TNFRSF21: variants seen among roughly 807,000 people sequenced by gnomAD.
TNFRSF21 encodes TNF receptor superfamily member 21, also known as tumor necrosis factor receptor superfamily member 21.
In TNFRSF21, 19 loss-of-function variants were observed where a neutral mutation model predicts 45.6. That is an observed-to-expected ratio of 0.42 (90% confidence interval 0.29 to 0.61). The LOEUF is 0.61. TNFRSF21 is among the 20% of genes least tolerant of loss of function. TNFRSF21 has a pLI of 0.23. For missense variants in TNFRSF21, 737 were observed against 851.5 expected, an observed-to-expected ratio of 0.87 and a Z score of 1.67; for synonymous variants, 314 against 335.5, an observed-to-expected ratio of 0.94 and a Z score of 0.70.
intron 3 of TNFRSF21, among the ~76,000 whole-genome samples, chr6:47,276,660 A>G (rs1330949112): frequency 6.6e-6 from 1 of 152,172 alleles, no homozygotes; most frequent in Non-Finnish European, 1.5e-5. Flanking sequence ...ACACTACTAC[A>G]CTTTCAAACA....
chr6:47,263,633 G>A (rs1030811918), intron 3 of TNFRSF21, among the ~76,000 whole-genome samples: 2 of 152,126 alleles, frequency 1.3e-5, no homozygotes, highest in African/African-American at 2.4e-5. Context: ...CAACAGTGTC[G>A]ATTGCTGCCA....
rs1987768 is a variant in TNFRSF21 at position 47,294,673 on chromosome 6, A to G, written c.97-8078T>C. Among the ~76,000 whole-genome samples, 5 of 148,592 alleles carry G rather than the reference A, an allele frequency of 3.4e-5. No individual in the cohort carries two copies. The South Asian group carries it at 1.1e-3, about 31-fold the overall frequency. On this transcript the variant is annotated intron_variant, in intron 1 of 5. Coordinates refer to ENST00000296861, the MANE Select transcript of TNFRSF21 (RefSeq NM_014452.5). ...TGACAAGCAAATGTATCAAAGAGTTAAAAAATTCCCTCCTCATTTCTTTCT... is the reference window on the plus strand; with the variant it reads ...TGACAAGCAAATGTATCAAAGAGTTGAAAAATTCCCTCCTCATTTCTTTCT...
rs1489676456 is a variant in TNFRSF21 at position 47,309,424 on chromosome 6, G to A, written c.88C>T (p.Leu30Phe). 1 of 1,547,628 alleles carries A rather than the reference G, an allele frequency of 6.5e-7. No homozygotes were observed. The highest frequency in any genetic ancestry group is 1.2e-5 in the South Asian group (1 of 84,616). Residue 30 changes from leucine to phenylalanine, a missense_variant, in exon 1 of 6, where the codon CTT becomes TTT. Physicochemically the swap from Leu to Phe is conservative, Grantham distance 22. Transcript: ENST00000296861. ...RATATMIAGS[L>F]LLLGFLSTTT... is the part of the protein sequence containing the mutation. The stretch of plus-strand genomic sequence containing the variant: ...TCCACGCAAGCGCTCACCAGGAGAA[G>A]GGAGCCCGCGATCATCGTGGCTGTG...
chr6:47,287,941 A>G (rs1412809639), intron 1 of TNFRSF21, among the ~76,000 whole-genome samples: 1 of 152,242 alleles, frequency 6.6e-6, no homozygotes, highest in East Asian at 1.9e-4. Flanking sequence ...ATTCTCATAC[A>G]TTTCTGATAA....
At chr6:47,245,194 C>T (rs1048253940) in intron 4 of TNFRSF21, among the ~76,000 whole-genome samples, 1 of 152,150 alleles carries the variant, frequency 6.6e-6, no homozygotes, top group African/African-American at 2.4e-5. Context: ...AGCCCACTTC[C>T]ATCCCTCTGT....
intron 1 of TNFRSF21, among the ~76,000 whole-genome samples, chr6:47,307,131 C>A (rs1342920718): frequency 1.3e-5 from 2 of 152,158 alleles, no homozygotes; most frequent in African/African-American, 2.4e-5. Context: ...TCTACTGATT[C>A]CTGGCACACC....
chr6:47,258,293 C>G (rs1199594505), intron 3 of TNFRSF21, among the ~76,000 whole-genome samples: 1 of 151,762 alleles, frequency 6.6e-6, no homozygotes, highest in African/African-American at 2.4e-5. Flanking sequence ...TCACTTGAAC[C>G]TGAGAGACAG....
At chr6:47,250,658 G>A (rs559581895) in intron 4 of TNFRSF21, among the ~76,000 whole-genome samples, 80 of 152,314 alleles carry the variant, frequency 5.3e-4, no homozygotes, top group African/African-American at 1.6e-3. Context: ...TAACTCCTGG[G>A]GCAAAGCCCC....
At chr6:47,257,768 A>C (rs1294859972) in intron 3 of TNFRSF21, among the ~76,000 whole-genome samples, 1 of 152,184 alleles carries the variant, frequency 6.6e-6, no homozygotes, top group East Asian at 1.9e-4. Context: ...ATTCCTTTTT[A>C]AACTATCTAT....
intron 1 of TNFRSF21, among the ~76,000 whole-genome samples, chr6:47,294,112 A>T (rs1053209702): frequency 1.3e-5 from 2 of 152,148 alleles, no homozygotes; most frequent in Non-Finnish European, 2.9e-5. Context: ...GTGGTAGAGG[A>T]GGTTGCTAAA....
intron 3 of TNFRSF21, among the ~76,000 whole-genome samples, chr6:47,260,438 A>G (rs1765058290): frequency 6.6e-6 from 1 of 152,212 alleles, no homozygotes; most frequent in Non-Finnish European, 1.5e-5. Flanking sequence ...TTATGGAAGA[A>G]ATGGCAATTT....
chr6:47,309,284 C>T (rs1427930555), intron 1 of TNFRSF21, 132 bp downstream of exon 1: 3 of 1,307,448 alleles, frequency 2.3e-6, no homozygotes, highest in Non-Finnish European at 3.0e-6. Flanking sequence ...TTGGAAACCC[C>T]TCAGTGCCCG....
intron 3 of TNFRSF21, among the ~76,000 whole-genome samples, chr6:47,282,910 A>G (rs1371053590): frequency 6.6e-6 from 1 of 152,190 alleles, no homozygotes; most frequent in Non-Finnish European, 1.5e-5. Context: ...TCTATGAGAC[A>G]TGATGTTGGG....
intron 1 of TNFRSF21, among the ~76,000 whole-genome samples, chr6:47,289,950 C>T (rs573030744): frequency 1.1e-4 from 17 of 152,096 alleles, no homozygotes; most frequent in Admixed American, 3.9e-4. Flanking sequence ...GCCGAGATTG[C>T]GCCACTTTAC....
At chr6:47,249,993 T>C (rs947976380) in intron 4 of TNFRSF21, among the ~76,000 whole-genome samples, 1 of 152,018 alleles carries the variant, frequency 6.6e-6, no homozygotes, top group Admixed American at 6.5e-5. Flanking sequence ...AAAGATGTGG[T>C]AGATTTAAAC....
chr6:47,275,098 G>A (rs1035063171), intron 3 of TNFRSF21, among the ~76,000 whole-genome samples: 1 of 152,166 alleles, frequency 6.6e-6, no homozygotes, highest in Non-Finnish European at 1.5e-5. Context: ...ACAGTGTGGC[G>A]ATTCCTCAAG....
chr6:47,254,428 T>C (rs1356610542), intron 3 of TNFRSF21, among the ~76,000 whole-genome samples: 1 of 152,214 alleles, frequency 6.6e-6, no homozygotes, highest in Non-Finnish European at 1.5e-5. Flanking sequence ...ACTGAAACCT[T>C]GGAAAGCTAA....
At chr6:47,300,665 A>AC (rs1157462854) in intron 1 of TNFRSF21, among the ~76,000 whole-genome samples, 4 of 152,026 alleles carry the variant, frequency 2.6e-5, no homozygotes, top group Non-Finnish European at 5.9e-5. Context: ...AGCAGCAACC[A>AC]CCGTAATCTT....
intron 2 of TNFRSF21, 21 bp from the exon 3 acceptor site, chr6:47,284,453 G>T (rs138204090): frequency 5.0e-5 from 75 of 1,505,376 alleles, no homozygotes; most frequent in South Asian, 1.3e-4. Context: ...GAGTAAGGAG[G>T]GGGGAAGAGC....
Sources: allele counts gnomAD v4.1 joint callset (sites outside exome capture counted in the v4.1 genomes callset), GRCh38; gene constraint gnomAD v4.1.1; transcripts MANE v1.5; gene names NCBI Gene and HGNC (gene_info 2026-07-23, HGNC 2026-07-21).